Variants in GRIN1 observed in about 807,000 individuals in gnomAD.
GRIN1 encodes the protein glutamate ionotropic receptor NMDA type subunit 1, also known as glutamate receptor ionotropic, NMDA 1.
In GRIN1, 38 loss-of-function variants were observed where a neutral mutation model predicts 103.0. That is an observed-to-expected ratio of 0.37 (90% CI 0.28 to 0.48). GRIN1 has a LOEUF of 0.48. Among genes scored for constraint, GRIN1 ranks in the 20% least tolerant of loss-of-function variants. GRIN1 has a pLI of 0.98. For missense variants in GRIN1, 577 were observed against 1,288.9 expected, an observed-to-expected ratio of 0.45 and a Z score of 8.46; for synonymous variants, 544 against 532.7, an observed-to-expected ratio of 1.02 and a Z score of -0.29.
intron 4 of GRIN1, among the ~76,000 whole-genome samples, chr9:137,153,433 G>T (rs762538841): frequency 7.3e-6 from 1 of 137,858 alleles, no homozygotes; most frequent in Non-Finnish European, 1.6e-5. Flanking sequence ...ATGTATGTAC[G>T]CACCATAGTC....
chr9:137,167,252 G>A (rs552014628), intron 19 of GRIN1, among the ~76,000 whole-genome samples, 159 bp from the exon 20 acceptor site: 1 of 152,138 alleles, frequency 6.6e-6, no homozygotes, highest in Non-Finnish European at 1.5e-5. Context: ...AGGCGTGGGT[G>A]GGGGGCTCCT....
chr9:137,163,998 C>A, intron 18 of GRIN1, 94 bp downstream of exon 18: 1 of 1,442,240 alleles, frequency 6.9e-7, no homozygotes, highest in Non-Finnish European at 9.7e-7. Flanking sequence ...GGCTCTGGCT[C>A]TGGTGGGCAG....
chr9:137,139,425 C>CG lies in GRIN1; in HGVS notation c.-57dup. The CG allele has an allele frequency of 7.7e-7, 1 of 1,292,824 alleles. No homozygotes were observed. 80.1% of individuals were successfully genotyped at this position (1,292,824 alleles called of 1,614,324 possible). ...AGCGCAGGACGGCCCGGAAGCCCCG[C>CG]GGGGGATGCGCCGAGGGCCCCGCGT... On this transcript the variant is annotated 5_prime_UTR_variant, in exon 1 of 20. Transcript: ENST00000371561. The surrounding 1 kb of genome is among the most constrained non-coding windows in gnomAD (Gnocchi z 7.7).
chr9:137,148,024 A>C, intron 3 of GRIN1: 1 of 592,154 alleles, frequency 1.7e-6, no homozygotes. Flanking sequence ...GGTGTTTGCG[A>C]GCTCCAGGTA....
At chr9:137,155,641 G>A (rs899225451) in intron 4 of GRIN1, among the ~76,000 whole-genome samples, 1 of 152,196 alleles carries the variant, frequency 6.6e-6, no homozygotes, top group East Asian at 1.9e-4. Context: ...GACAGGTCAG[G>A]CCCTGCAGAG....
chr9:137,147,453 CGCACACACAT>C (rs1832609668), intron 3 of GRIN1, among the ~76,000 whole-genome samples: 2 of 151,958 alleles, frequency 1.3e-5, no homozygotes, highest in South Asian at 2.1e-4. Flanking sequence ...CACATGCACA[CGCACACACAT>C]GCACACACGC....
rs1056257967 is a variant in GRIN1 at position 137,163,830 on chromosome 9, C to A, written c.2515C>A (p.Arg839=). The change falls in exon 18 of 20, where the codon CGG becomes AGG. Residue 839 remains arginine (R), a synonymous_variant. Coordinates refer to ENST00000371561, the MANE Select transcript of GRIN1 (RefSeq NM_007327.4). ...GATTTTCATCGAGATTGCCTACAAG[C>A]GGCACAAGGATGCTCGCCGGAAGCA... is the stretch of plus-strand genomic sequence containing the variant. The part of the protein sequence containing the change: ...FLIFIEIAYK[R]HKDARRKQMQ... The A allele has an allele frequency of 7.4e-6, 12 of 1,613,204 alleles. No homozygotes were observed. The highest frequency in any genetic ancestry group is 1.0e-5 in the Non-Finnish European group (12 of 1,179,984).
chr9:137,161,518 G>A, intron 10 of GRIN1, 102 bp downstream of exon 10: 2 of 1,136,416 alleles, frequency 1.8e-6, no homozygotes, highest in East Asian at 2.6e-5. Flanking sequence ...ATGGTGGGGG[G>A]TCCTGGGGTG....
intron 19 of GRIN1, among the ~76,000 whole-genome samples, chr9:137,166,692 G>A (rs1464332318): frequency 1.3e-5 from 2 of 152,250 alleles, no homozygotes; most frequent in African/African-American, 2.4e-5. Context: ...GTGAGAGCCT[G>A]TAGGCCTGGG....
Position 137,167,555 on chromosome 9 carries a change from C to A in GRIN1, c.*28C>A. 6.5e-7 allele frequency: 1 copy of A among 1,546,252 alleles called. No individual in the cohort carries two copies. The highest frequency in any genetic ancestry group is 8.7e-7 in the Non-Finnish European group (1 of 1,143,942). On this transcript the variant is annotated 3_prime_UTR_variant, in exon 20 of 20. Coordinates refer to ENST00000371561, the MANE Select transcript of GRIN1 (RefSeq NM_007327.4). The stretch of plus-strand genomic sequence containing the variant: ...CTCCCCGCCCGCCCTCCTCTGCCCC[C>A]TCCCCCGCAGACAGACAGACAGACG...
At chr9:137,144,608 T>TCCCGCCAC (rs577341720) in intron 2 of GRIN1, among the ~76,000 whole-genome samples, 1 of 148,648 alleles carries the variant, frequency 6.7e-6, no homozygotes, top group Non-Finnish European at 1.5e-5. Context: ...TGAGCCGAGA[T>TCCCGCCAC]TGCACTCCAG....
chr9:137,160,967 C>T, intron 8 of GRIN1, 89 bp from the exon 9 acceptor site: 2 of 1,540,976 alleles, frequency 1.3e-6, no homozygotes, highest in South Asian at 1.1e-5. Context: ...TTAAGAGGGG[C>T]GCCAGGGGAG....
chr9:137,158,552 C>T, intron 7 of GRIN1, 29 bp downstream of exon 7: 1 of 1,608,272 alleles, frequency 6.2e-7, no homozygotes, highest in South Asian at 1.1e-5. Flanking sequence ...GGGGTGGGGG[C>T]TGGGGCCTTA....
rs1832497987 is a variant in GRIN1 at position 137,145,831 on chromosome 9, G to A, written c.499G>A (p.Val167Ile). 1 of 1,612,768 alleles carries A rather than the reference G, an allele frequency of 6.2e-7. No individual in the cohort carries two copies. Among genetic ancestry groups the A allele is most frequent in the African/African-American group, 1.3e-5 (1 of 75,018 alleles). Residue 167 changes from valine to isoleucine, a missense_variant, in exon 3 of 20, where the codon GTC becomes ATC. Coordinates refer to ENST00000371561, the MANE Select transcript of GRIN1 (RefSeq NM_007327.4). ...CAGCTGGAACCACATCATCCTGCTG[G>A]TCAGCGACGACCACGAGGGCCGGGC... ...VYSWNHIILL[V>I]SDDHEGRAAQ...
intron 2 of GRIN1, among the ~76,000 whole-genome samples, chr9:137,144,413 G>C (rs1346506835): frequency 6.6e-6 from 1 of 151,704 alleles, no homozygotes; most frequent in Non-Finnish European, 1.5e-5. Flanking sequence ...CCAGCACTTT[G>C]GGAGGCCGAG....
At chr9:137,144,604 G>A (rs868736039) in intron 2 of GRIN1, among the ~76,000 whole-genome samples, 8 of 149,384 alleles carry the variant, frequency 5.4e-5, no homozygotes, top group East Asian at 2.0e-4. Flanking sequence ...GCAGTGAGCC[G>A]AGATTGCACT....
intron 8 of GRIN1, 133 bp downstream of exon 8, chr9:137,158,837 T>A (rs899266031): frequency 1.4e-5 from 10 of 718,492 alleles, no homozygotes; most frequent in Non-Finnish European, 2.5e-5. Flanking sequence ...CTGCTTCCCC[T>A]GGACACCGTC....
At chr9:137,150,291 A>G (rs1012904566) in intron 4 of GRIN1, among the ~76,000 whole-genome samples, 4 of 152,140 alleles carry the variant, frequency 2.6e-5, no homozygotes, top group East Asian at 1.9e-4. Flanking sequence ...ACAGGTCCCA[A>G]AGAAGGAATG....
chr9:137,159,142 C>A lies in GRIN1; in HGVS notation c.1197+438C>A, dbSNP rs1833392054. Among the ~76,000 whole-genome samples the A allele has an allele frequency of 2.0e-5, 3 of 152,302 alleles. No individual in the cohort carries two copies. The South Asian group carries it at 6.2e-4, about 32-fold the overall frequency. On this transcript the variant is annotated intron_variant, in intron 8 of 19. Transcript: ENST00000371561. ...TGTCCTCTTCCACCGTGTGGGACAG[C>A]CCTTCCTGACTCCCCTGGGCCTCTG...
Sources: gnomAD v4.1 joint callset for allele counts (sites outside exome capture counted in the v4.1 genomes callset) on GRCh38, gnomAD v4.1.1 for gene constraint, Gnocchi (gnomAD v3.1) non-coding constraint, MANE v1.5 for transcripts, NCBI Gene and HGNC (gene_info 2026-07-23, HGNC 2026-07-21) for gene names.